RXFP1: variants seen among roughly 807,000 people sequenced by gnomAD.
RXFP1 encodes relaxin family peptide receptor 1.
In RXFP1, 73 loss-of-function variants were observed where a neutral mutation model predicts 89.8. The observed-to-expected ratio is 0.81, with a 90% confidence interval of 0.67 to 0.99. RXFP1 has a LOEUF of 0.99. RXFP1 is among the 50% of genes least tolerant of loss of function. The pLI, the probability that RXFP1 is intolerant of heterozygous loss-of-function variation, is 0.00. For missense variants in RXFP1, 793 were observed against 895.5 expected (o/e 0.89, Z 1.46); for synonymous variants, 277 against 305.5 (o/e 0.91, Z 0.97).
At chr4:158,559,294 A>G (rs1323958818) in intron 1 of RXFP1, among the ~76,000 whole-genome samples, 5 of 152,170 alleles carry the variant, frequency 3.3e-5, no homozygotes, top group Admixed American at 3.3e-4. Context: ...CAACAGCAAG[A>G]CCCTTTCTCC....
intron 2 of RXFP1, among the ~76,000 whole-genome samples, chr4:158,593,043 G>A (rs190730466): frequency 1.7e-4 from 25 of 150,908 alleles, no homozygotes; most frequent in Non-Finnish European, 2.4e-4. Context: ...AGCTGAGATC[G>A]TGCCACAGCA....
chr4:158,610,498 G>C, intron 6 of RXFP1: 1 of 393,812 alleles, frequency 2.5e-6, no homozygotes, highest in East Asian at 7.1e-5. Flanking sequence ...AGAAGTTTAT[G>C]ATCTAAGATG....
intron 6 of RXFP1, among the ~76,000 whole-genome samples, chr4:158,611,100 A>T (rs922984565): frequency 6.6e-5 from 10 of 152,250 alleles, no homozygotes; most frequent in African/African-American, 2.4e-4. Context: ...CATAATATGT[A>T]CTGAATGTTT....
chr4:158,628,022 G>C (rs889412363), intron 10 of RXFP1, among the ~76,000 whole-genome samples: 8 of 152,120 alleles, frequency 5.3e-5, no homozygotes, highest in African/African-American at 1.9e-4. Flanking sequence ...AAATAAATGG[G>C]AAAGGACAAT....
At position 158,565,693 on chromosome 4, in the gene RXFP1, C is replaced by A. The variant is rs532895100; in HGVS notation, c.50-7005C>A. ...GCACATCAGAATACATAATAATAAT[C>A]AACAGATTGTAACCCATTGAACAAA... On this transcript the variant is annotated intron_variant, in intron 1 of 17. Transcript: ENST00000307765. Among the ~76,000 whole-genome samples, 42 of 152,264 alleles carry A rather than the reference C, an allele frequency of 2.8e-4. 1 individual carries two copies. In the South Asian group the frequency reaches 5.4e-3, roughly 20 times the overall value.
In RXFP1 at chr4:158,541,350, G is replaced by GCACACACACACACACACACA. The variant is rs58856633; in HGVS notation, c.49+19338_49+19357dup. Among the ~76,000 whole-genome samples the GCACACACACACACACACACA allele has an allele frequency of 8.8e-3, 1,227 of 139,846 alleles. 19 individuals carry two copies. The highest frequency in any genetic ancestry group is 0.025 in the African/African-American group (938 of 37,344). The allele number at this position is 139,846 out of a possible 152,430, so 91.7% of individuals were successfully genotyped here. On this transcript the variant is annotated intron_variant, in intron 1 of 17. Coordinates refer to ENST00000307765, the MANE Select transcript of RXFP1 (RefSeq NM_021634.4). ...ACCCAGAATTCTCAGAGAGCTTCAT[G>GCACACACACACACACACACA]CACACACACACACACACACACACAC...
intron 17 of RXFP1, among the ~76,000 whole-genome samples, chr4:158,650,746 G>A (rs1330931247): frequency 6.6e-6 from 1 of 151,810 alleles, no homozygotes; most frequent in East Asian, 1.9e-4. Context: ...TACAACCTGG[G>A]TGATAGAGCA....
chr4:158,645,208 G>A, intron 15 of RXFP1, 70 bp downstream of exon 15: 1 of 1,154,850 alleles, frequency 8.7e-7, no homozygotes, highest in Non-Finnish European at 1.3e-6. Context: ...TAGAAAATAA[G>A]TTGTGTGAGT....
chr4:158,554,213 A>T (rs1002470615), intron 1 of RXFP1, among the ~76,000 whole-genome samples: 1 of 152,152 alleles, frequency 6.6e-6, no homozygotes, highest in African/African-American at 2.4e-5. Context: ...CAATTCAATG[A>T]TTTTTTCTCT....
At chr4:158,553,609 A>C (rs1200661382) in intron 1 of RXFP1, among the ~76,000 whole-genome samples, 1 of 152,150 alleles carries the variant, frequency 6.6e-6, no homozygotes, top group Middle Eastern at 3.2e-3. Context: ...GGAATGTCTT[A>C]TTATCTACTT....
intron 16 of RXFP1, among the ~76,000 whole-genome samples, chr4:158,647,987 C>T (rs983936729): frequency 2.0e-5 from 3 of 149,432 alleles, no homozygotes; most frequent in African/African-American, 7.4e-5. Context: ...TGCACTCCAG[C>T]CCGAGCAACA....
At chr4:158,574,249 G>A (rs149173238) in intron 2 of RXFP1, among the ~76,000 whole-genome samples, 55 of 152,286 alleles carry the variant, frequency 3.6e-4, no homozygotes, top group African/African-American at 1.2e-3. Flanking sequence ...TATGCAAAGT[G>A]TCACATAAAT....
At position 158,648,528 on chromosome 4, in the gene RXFP1, G is replaced by A. The variant is rs1252359303; in HGVS notation, c.1786G>A (p.Val596Ile). ...TAATTTGGCCGCATTTATCATCATAGTTTTTTCCTATGGAAGCATGTTTTA... is the reference window on the plus strand; with the variant it reads ...TAATTTGGCCGCATTTATCATCATAATTTTTTCCTATGGAAGCATGTTTTA... Reference protein sequence around the residue: ...GINLAAFIIIVFSYGSMFYSV... With the variant: ...GINLAAFIIIIFSYGSMFYSV... The change falls in exon 17 of 18, where the codon GTT (valine) becomes ATT (isoleucine). Residue 596 changes from valine (V) to isoleucine (I), a missense_variant. Transcript: ENST00000307765. The A allele has an allele frequency of 2.5e-6, 4 of 1,608,172 alleles. No individual in the cohort carries two copies. The highest frequency in any genetic ancestry group is 2.2e-5 in the East Asian group (1 of 44,700).
At chr4:158,632,250 TATA>T (rs1015430806) in intron 11 of RXFP1, among the ~76,000 whole-genome samples, 2 of 152,258 alleles carry the variant, frequency 1.3e-5, no homozygotes, top group Non-Finnish European at 2.9e-5. Flanking sequence ...CAAAGACGTT[TATA>T]ATATTTATCA....
chr4:158,543,146 A>G (rs1041175382), intron 1 of RXFP1, among the ~76,000 whole-genome samples: 7 of 152,196 alleles, frequency 4.6e-5, no homozygotes, highest in African/African-American at 1.4e-4. Flanking sequence ...ACACTCCAGA[A>G]GTAAGTGCTT....
intron 1 of RXFP1, among the ~76,000 whole-genome samples, chr4:158,524,028 G>T (rs1259278111): frequency 6.6e-6 from 1 of 152,188 alleles, no homozygotes; most frequent in African/African-American, 2.4e-5. Flanking sequence ...TTCAGCAAAT[G>T]ATTTACCTCT....
chr4:158,651,762 A>G lies in RXFP1; in HGVS notation c.1981A>G (p.Ile661Val). The part of the protein sequence containing the change: ...SLLQVEIPGT[I>V]TSWVVIFILP... The stretch of plus-strand genomic sequence containing the variant: ...ATTTCATTTTTCTTTTTTAGGTACC[A>G]TAACCTCTTGGGTAGTGATTTTTAT... Residue 661 changes from isoleucine (I) to valine (V), a missense_variant, in exon 18 of 18, where the codon ATA (isoleucine) becomes GTA (valine). Ile to Val is a conservative substitution (Grantham distance 29, BLOSUM62 3). Transcript: ENST00000307765. The G allele has an allele frequency of 8.1e-6, 13 of 1,604,128 alleles. No homozygotes were observed. Among genetic ancestry groups the G allele is most frequent in the Non-Finnish European group, 1.1e-5 (13 of 1,175,276 alleles).
At chr4:158,530,927 T>G (rs905041999) in intron 1 of RXFP1, among the ~76,000 whole-genome samples, 5 of 152,240 alleles carry the variant, frequency 3.3e-5, no homozygotes, top group Non-Finnish European at 7.3e-5. Flanking sequence ...CAAAGCTTTT[T>G]GTAGCGCATC....
At chr4:158,570,610 T>G (rs971425529) in intron 1 of RXFP1, among the ~76,000 whole-genome samples, 2 of 152,084 alleles carry the variant, frequency 1.3e-5, no homozygotes, top group Admixed American at 1.3e-4. Context: ...GCCTCATTTG[T>G]CTATTACCTG....
Sources: gnomAD v4.1 joint callset for allele counts (sites outside exome capture counted in the v4.1 genomes callset) on GRCh38, gnomAD v4.1.1 for gene constraint, MANE v1.5 for transcripts, NCBI Gene and HGNC (gene_info 2026-07-23, HGNC 2026-07-21) for gene names.